Variants in AGMO observed in about 807,000 individuals in gnomAD.
AGMO encodes the protein glyceryl-ether monooxygenase.
Under a neutral mutation model 60.2 loss-of-function variants are expected in AGMO, and 75 were observed. The observed-to-expected ratio is 1.25, with a 90% CI of 1.03 to 1.51. The LOEUF is 1.51. AGMO is among the 40% of genes most tolerant of loss of function. AGMO has a pLI of 0.00. For missense variants in AGMO, 763 were observed against 525.5 expected, an observed-to-expected ratio of 1.45 and a Z score of -4.42; for synonymous variants, 261 against 177.1, an observed-to-expected ratio of 1.47 and a Z score of -3.76.
intron 3 of AGMO, among the ~76,000 whole-genome samples, chr7:15,493,966 A>G (rs913981814): frequency 6.6e-6 from 1 of 152,112 alleles, no homozygotes; most frequent in Non-Finnish European, 1.5e-5. Flanking sequence ...GGGGGTATCC[A>G]CCACCTCATG....
At chr7:15,355,152 G>T (rs1782474580) in intron 12 of AGMO, among the ~76,000 whole-genome samples, 2 of 152,090 alleles carry the variant, frequency 1.3e-5, no homozygotes, top group African/African-American at 4.8e-5. Context: ...CCCTATACAA[G>T]AATAGAGAAA....
intron 2 of AGMO, among the ~76,000 whole-genome samples, chr7:15,557,746 A>T (rs1785185061): frequency 6.6e-6 from 1 of 152,110 alleles, no homozygotes; most frequent in South Asian, 2.1e-4. Context: ...AACTTTTTAA[A>T]AATCCACATT....
At chr7:15,387,273 A>C (rs975409006) in intron 9 of AGMO, 133 bp downstream of exon 9, 1 of 1,006,104 alleles carries the variant, frequency 9.9e-7, no homozygotes, top group Non-Finnish European at 1.4e-6. Context: ...TAAGTTATGC[A>C]CCACAGGACT....
chr7:15,426,663 C>T (rs1046270242), intron 4 of AGMO, among the ~76,000 whole-genome samples: 2 of 151,990 alleles, frequency 1.3e-5, no homozygotes, highest in Admixed American at 6.6e-5. Flanking sequence ...ACAAAAGAAT[C>T]GCTTGAACCC....
intron 3 of AGMO, among the ~76,000 whole-genome samples, chr7:15,525,394 T>G (rs527589371): frequency 1.7e-4 from 26 of 152,196 alleles, no homozygotes; most frequent in Non-Finnish European, 3.2e-4. Flanking sequence ...ATTTTACATA[T>G]ACCTACCCTT....
At position 15,487,740 on chromosome 7, in the gene AGMO, TG is replaced by T. The variant is rs769657758; in HGVS notation, c.410-56633del. Among the ~76,000 whole-genome samples the T allele has an allele frequency of 7.6e-4, 115 of 151,958 alleles. No individual in the cohort carries two copies. In the Middle Eastern group the frequency reaches 0.02, roughly 27 times the overall value. On this transcript the variant is annotated intron_variant, in intron 3 of 12. Coordinates refer to ENST00000342526, the MANE Select transcript of AGMO (RefSeq NM_001004320.2). ...TTTTGCCAAACTGTGTCTGATATTT[TG>T]GGGAAAAAAAAACACATAAAATGGG...
chr7:15,254,890 C>G lies in AGMO; in HGVS notation c.1264-53531G>C, dbSNP rs113031464. Among the ~76,000 whole-genome samples, 952 of 152,036 alleles carry G rather than the reference C, an allele frequency of 6.3e-3. 4 individuals carry two copies. The highest frequency in any genetic ancestry group is 0.017 in the African/African-American group (692 of 41,482). ...ACATAGAAGAAATGGATAAACTCCT[C>G]GACACCTACCATAATTGAATCAAGA... On this transcript the variant is annotated intron_variant, in intron 12 of 12. Transcript: ENST00000342526.
intron 3 of AGMO, among the ~76,000 whole-genome samples, chr7:15,483,434 C>T (rs1255486720): frequency 6.6e-6 from 1 of 152,002 alleles, no homozygotes; most frequent in Non-Finnish European, 1.5e-5. Flanking sequence ...GGCGTGGTGG[C>T]GGGCGCCTGC....
At chr7:15,322,580 A>ATG (rs1479825372) in intron 12 of AGMO, among the ~76,000 whole-genome samples, 1 of 42,302 alleles carries the variant, frequency 2.4e-5, no homozygotes, top group African/African-American at 1.2e-4. Flanking sequence ...ATATAAATAT[A>ATG]TATAAATATA....
At chr7:15,334,950 G>GA (rs1781607642) in intron 12 of AGMO, among the ~76,000 whole-genome samples, 1 of 152,124 alleles carries the variant, frequency 6.6e-6, no homozygotes, top group Admixed American at 6.6e-5. Flanking sequence ...ATTTTAGTCA[G>GA]AAAAGTCATG....
At chr7:15,229,970 A>G (rs895952404) in intron 12 of AGMO, among the ~76,000 whole-genome samples, 1 of 151,714 alleles carries the variant, frequency 6.6e-6, no homozygotes, top group African/African-American at 2.4e-5. Flanking sequence ...AATACAAGCC[A>G]TATTTCTCAT....
chr7:15,466,906 TA>T (rs1202605554), intron 3 of AGMO, among the ~76,000 whole-genome samples: 2 of 152,088 alleles, frequency 1.3e-5, no homozygotes, highest in African/African-American at 4.8e-5. Context: ...TAGGTAAGGT[TA>T]CCAGGGAAAT....
intron 5 of AGMO, among the ~76,000 whole-genome samples, chr7:15,417,348 G>A (rs1311043397): frequency 6.6e-6 from 1 of 152,086 alleles, no homozygotes; most frequent in Admixed American, 6.6e-5. Flanking sequence ...CCTAGCTCAT[G>A]GCCCTCTCAT....
intron 10 of AGMO, among the ~76,000 whole-genome samples, chr7:15,369,643 G>A (rs1186264277): frequency 6.6e-6 from 1 of 151,908 alleles, no homozygotes; most frequent in Non-Finnish European, 1.5e-5. Flanking sequence ...CTGTTTTATT[G>A]CTCTTCATAT....
chr7:15,495,809 G>A (rs1783206585), intron 3 of AGMO, among the ~76,000 whole-genome samples: 1 of 147,076 alleles, frequency 6.8e-6, no homozygotes, highest in Admixed American at 7.0e-5. Flanking sequence ...CTTTGTAAGT[G>A]GGGATGGAGA....
chr7:15,431,231 C>T, intron 3 of AGMO, 123 bp from the exon 4 acceptor site: 2 of 641,658 alleles, frequency 3.1e-6, no homozygotes, highest in Non-Finnish European at 2.7e-6. Context: ...TAAAAGCTGG[C>T]CAATATAATT....
At chr7:15,242,080 C>T (rs1400114325) in intron 12 of AGMO, among the ~76,000 whole-genome samples, 1 of 152,104 alleles carries the variant, frequency 6.6e-6, no homozygotes, top group Non-Finnish European at 1.5e-5. Flanking sequence ...CTGTGTTCTT[C>T]AAGAGTATAA....
chr7:15,354,399 T>TGTGTATATAGAC (rs1563105302), intron 12 of AGMO, among the ~76,000 whole-genome samples: 10 of 33,224 alleles, frequency 3.0e-4, no homozygotes, highest in Non-Finnish European at 3.7e-4. Flanking sequence ...TGTATACACG[T>TGTGTATATAGAC]GTGTGTACAC....
At position 15,542,153 on chromosome 7, in the gene AGMO, T is replaced by C. The variant is rs192042073; in HGVS notation, c.409+2619A>G. ...AATATTTTACAGTATTATTTACAAA[T>C]AAAATTTAAAAATTAAGCATTATGT... On this transcript the variant is annotated intron_variant, in intron 3 of 12. Coordinates refer to ENST00000342526, the MANE Select transcript of AGMO (RefSeq NM_001004320.2). Among the ~76,000 whole-genome samples, 53 of 152,246 alleles carry C rather than the reference T, an allele frequency of 3.5e-4. No individual in the cohort carries two copies. In the East Asian group the frequency reaches 6.9e-3, roughly 20 times the overall value.
Sources: allele counts gnomAD v4.1 joint callset (sites outside exome capture counted in the v4.1 genomes callset), GRCh38; gene constraint gnomAD v4.1.1; transcripts MANE v1.5; gene names NCBI Gene and HGNC (gene_info 2026-07-23, HGNC 2026-07-21).